Variants in FER observed in about 807,000 individuals in gnomAD.
The protein encoded by FER is tyrosine-protein kinase Fer.
Under a neutral mutation model 111.0 loss-of-function variants are expected in FER, and 63 were observed. That is an observed-to-expected ratio of 0.57 (90% CI 0.46 to 0.70). The LOEUF (loss-of-function observed/expected upper bound fraction) is 0.70, where lower values mean the gene tolerates loss of function less well. Among genes scored for constraint, FER ranks in the 30% least tolerant of loss-of-function variants. The pLI, the probability that FER is intolerant of heterozygous loss-of-function variation, is 0.00. For synonymous variants in FER, 327 were observed against 313.9 expected (o/e 1.04, Z -0.44); for missense variants, 914 against 954.0 (o/e 0.96, Z 0.55).
rs368066166 is a variant in FER, at chr5:109,155,390, G to A, written c.2049-25357G>A. Among the ~76,000 whole-genome samples, 7 of 152,000 alleles carry A rather than the reference G, an allele frequency of 4.6e-5. 1 individual carries two copies. The highest frequency in any genetic ancestry group is 7.2e-5 in the African/African-American group (3 of 41,532). On this transcript the variant is annotated intron_variant, in intron 17 of 19. Transcript: ENST00000281092. ...TGTTCAAACTAGGAAGAATAGAGCC[G>A]ATACTTAGAAAAGATGTGATCATTT... is the stretch of plus-strand genomic sequence containing the variant.
chr5:108,932,267 C>T (rs1031265600), intron 10 of FER, among the ~76,000 whole-genome samples: 7 of 152,142 alleles, frequency 4.6e-5, no homozygotes, highest in South Asian at 4.2e-4. Flanking sequence ...TGAGAACATG[C>T]GGTGTTTGGT....
At chr5:109,004,774 C>G (rs1327029616) in intron 13 of FER, among the ~76,000 whole-genome samples, 1 of 151,970 alleles carries the variant, frequency 6.6e-6, no homozygotes. Flanking sequence ...GGTTTGGAAC[C>G]TGGTTTTGCA....
intron 13 of FER, among the ~76,000 whole-genome samples, chr5:108,969,616 T>TTTTTTTTTTTTTTTTTTTTTTGAGACG (rs1561695264): frequency 6.7e-6 from 1 of 149,050 alleles, no homozygotes; most frequent in African/African-American, 2.6e-5. Flanking sequence ...TTAATTTTTT[T>TTTTTTTTTTTTTTTTTTTTTTGAGACG]GAACACTGTG....
At chr5:108,755,721 G>C (rs796911385) in intron 1 of FER, among the ~76,000 whole-genome samples, 9 of 151,654 alleles carry the variant, frequency 5.9e-5, no homozygotes, top group African/African-American at 1.9e-4. Context: ...CCTGACCTCA[G>C]GTGATCCACC....
intron 13 of FER, among the ~76,000 whole-genome samples, chr5:109,031,127 C>A (rs1168999800): frequency 6.6e-6 from 1 of 152,014 alleles, no homozygotes; most frequent in Non-Finnish European, 1.5e-5. Flanking sequence ...CTCATTTGGT[C>A]ATTTTGAGGA....
At chr5:108,842,428 T>C (rs1580820975) in intron 5 of FER, 1 of 152,154 alleles carries the variant, frequency 6.6e-6, no homozygotes, top group South Asian at 2.1e-4. Context: ...AAAGAGCTTT[T>C]GCACAGCAAA....
At chr5:108,869,167 A>G (rs550416496) in intron 6 of FER, among the ~76,000 whole-genome samples, 79 of 152,286 alleles carry the variant, frequency 5.2e-4, no homozygotes, top group African/African-American at 1.8e-3. Context: ...TTTCATTTAT[A>G]GACTACATTG....
At chr5:109,003,630 A>AAT (rs1297475807) in intron 13 of FER, among the ~76,000 whole-genome samples, 4 of 152,002 alleles carry the variant, frequency 2.6e-5, no homozygotes, top group Non-Finnish European at 5.9e-5. Flanking sequence ...AATAAAATTA[A>AAT]AAAAATAAAA....
At chr5:108,779,030 G>T (rs891359427) in intron 2 of FER, among the ~76,000 whole-genome samples, 1 of 150,832 alleles carries the variant, frequency 6.6e-6, no homozygotes, top group East Asian at 1.9e-4. Flanking sequence ...TTTGCAAGTG[G>T]ATGTCCAATT....
At chr5:109,034,520 T>C (rs981965144) in intron 13 of FER, among the ~76,000 whole-genome samples, 1 of 152,020 alleles carries the variant, frequency 6.6e-6, no homozygotes, top group African/African-American at 2.4e-5. Flanking sequence ...GCTTCTGCTT[T>C]CACAATGACC....
At chr5:108,894,452 G>C in intron 9 of FER, 1 of 445,704 alleles carries the variant, frequency 2.2e-6, no homozygotes, top group South Asian at 2.9e-5. Flanking sequence ...CCTGAATGAA[G>C]CAGTTCTTCA....
intron 16 of FER, among the ~76,000 whole-genome samples, chr5:109,062,790 T>G (rs1397021509): frequency 6.6e-6 from 1 of 152,182 alleles, no homozygotes. Context: ...TACTCCCTTC[T>G]TTCTGACCTG....
intron 1 of FER, among the ~76,000 whole-genome samples, chr5:108,761,215 A>G (rs955252296): frequency 4.6e-5 from 7 of 152,204 alleles, no homozygotes; most frequent in African/African-American, 1.7e-4. Flanking sequence ...GGTGTGAGCC[A>G]CTGCACCTGG....
chr5:108,895,757 C>A (rs755876746), intron 9 of FER, among the ~76,000 whole-genome samples: 25 of 152,126 alleles, frequency 1.6e-4, no homozygotes, highest in Non-Finnish European at 3.7e-4. Context: ...ATGTGGTTAT[C>A]TTTTGGGGGA....
At position 108,879,701 on chromosome 5, in the gene FER, A is replaced by AAATATATATATAT; in HGVS notation, c.924-3694_924-3693insATATATATATATA. On this transcript the variant is annotated intron_variant, in intron 8 of 19. Transcript: ENST00000281092. ...ATGTATTTTTTTTAGATTAAAAAAA[A>AAATATATATATAT]ATATATATATATATATATATATATT... Among the ~76,000 whole-genome samples the AAATATATATATAT allele has an allele frequency of 1.9e-3, 184 of 99,078 alleles. 5 individuals carry two copies. Among genetic ancestry groups the AAATATATATATAT allele is most frequent in the African/African-American group, 8.1e-3 (169 of 20,882 alleles). The allele number at this position is 99,078 out of a possible 152,430, so 65.0% of individuals were successfully genotyped here. A position where few individuals can be genotyped will look rare whatever the true frequency, so the allele number is the denominator to read the frequency against.
chr5:109,045,026 A>G (rs1431789408), intron 15 of FER, among the ~76,000 whole-genome samples: 2 of 152,040 alleles, frequency 1.3e-5, no homozygotes, highest in African/African-American at 4.8e-5. Context: ...ATGTTAAGAT[A>G]TTTTGCTTTC....
At position 109,162,522 on chromosome 5, in the gene FER, G is replaced by A. The variant is rs76061095; in HGVS notation, c.2049-18225G>A. Among the ~76,000 whole-genome samples, 190 of 152,026 alleles carry A rather than the reference G, an allele frequency of 1.2e-3. 4 individuals are homozygous for A. In the East Asian group the frequency reaches 0.033, roughly 27 times the overall value. ...GCAAGCCTTTTTCTCTCACAAATAC[G>A]GTCCACAAGGGTGCTGGTCTTATGG... On this transcript the variant is annotated intron_variant, in intron 17 of 19. Coordinates refer to ENST00000281092, the MANE Select transcript of FER (RefSeq NM_005246.4).
At chr5:108,934,212 A>G (rs563860104) in intron 10 of FER, among the ~76,000 whole-genome samples, 3 of 152,276 alleles carry the variant, frequency 2.0e-5, no homozygotes, top group Admixed American at 1.3e-4. Context: ...CTGGCTTACT[A>G]CAAAGAGAGT....
intron 3 of FER, among the ~76,000 whole-genome samples, chr5:108,826,827 G>C (rs1014140928): frequency 7.2e-5 from 11 of 152,282 alleles, no homozygotes; most frequent in African/African-American, 2.4e-4. Flanking sequence ...GTCTTGGTAG[G>C]TTGTATTTGT....
Sources: allele counts gnomAD v4.1 joint callset (sites outside exome capture counted in the v4.1 genomes callset), GRCh38; gene constraint gnomAD v4.1.1; transcripts MANE v1.5; gene names NCBI Gene and HGNC (gene_info 2026-07-23, HGNC 2026-07-21).